Variants in GSK3B observed in about 807,000 individuals in gnomAD.
GSK3B encodes glycogen synthase kinase 3 beta, also known as glycogen synthase kinase-3 beta.
A neutral mutation model predicts 56.4 loss-of-function variants in GSK3B; 15 were observed. That is an observed-to-expected ratio of 0.27 (90% CI 0.18 to 0.41). The LOEUF is 0.41. Among genes scored for constraint, GSK3B ranks in the 10% least tolerant of loss-of-function variants. The probability of loss-of-function intolerance (pLI) is 1.00; values close to 1 mark genes in which losing one functional copy is unlikely to be tolerated. For missense variants in GSK3B, 300 were observed against 513.4 expected, an observed-to-expected ratio of 0.58 and a Z score of 4.02; for synonymous variants, 181 against 188.9, an observed-to-expected ratio of 0.96 and a Z score of 0.34.
At chr3:119,943,039 T>C in intron 3 of GSK3B, among the ~76,000 whole-genome samples, 1 of 152,240 alleles carries the variant, frequency 6.6e-6, no homozygotes, top group East Asian at 1.9e-4. Context: ...ATCTCTGTCC[T>C]AACTTAATTC....
At chr3:120,046,239 T>C (rs961514968) in intron 1 of GSK3B, among the ~76,000 whole-genome samples, 3 of 152,192 alleles carry the variant, frequency 2.0e-5, no homozygotes, top group East Asian at 1.9e-4. Context: ...CAATAAAAAG[T>C]GTGGGCCCTA....
At chr3:120,061,561 C>T (rs1373067214) in intron 1 of GSK3B, among the ~76,000 whole-genome samples, 1 of 152,118 alleles carries the variant, frequency 6.6e-6, no homozygotes, top group Non-Finnish European at 1.5e-5. Flanking sequence ...AAAAGAAACA[C>T]TGTTTAGACA....
intron 3 of GSK3B, among the ~76,000 whole-genome samples, chr3:119,932,076 G>A (rs1358468004): frequency 6.6e-6 from 1 of 152,130 alleles, no homozygotes; most frequent in East Asian, 1.9e-4. Context: ...TTAGTATGAT[G>A]TGTTATCTCC....
At chr3:119,995,426 G>A (rs1221292369) in intron 2 of GSK3B, among the ~76,000 whole-genome samples, 1 of 151,994 alleles carries the variant, frequency 6.6e-6, no homozygotes, top group Non-Finnish European at 1.5e-5. Context: ...AAGGTTTAAG[G>A]AAGTTCTTTA....
intron 10 of GSK3B, among the ~76,000 whole-genome samples, chr3:119,831,728 ATT>A (rs575944831): frequency 2.0e-5 from 3 of 152,202 alleles, no homozygotes; most frequent in African/African-American, 7.2e-5. Flanking sequence ...CAGTTACTTT[ATT>A]TTCAGTATGG....
intron 3 of GSK3B, among the ~76,000 whole-genome samples, chr3:119,944,560 C>T (rs889530170): frequency 2.0e-5 from 3 of 152,108 alleles, no homozygotes; most frequent in Non-Finnish European, 2.9e-5. Context: ...ATTGCCAAAC[C>T]GCTGATTTTT....
At chr3:119,959,453 C>T (rs2057248225) in intron 2 of GSK3B, among the ~76,000 whole-genome samples, 1 of 151,832 alleles carries the variant, frequency 6.6e-6, no homozygotes, top group African/African-American at 2.4e-5. Flanking sequence ...AATTCCACTC[C>T]TCTAGTTGCC....
At chr3:120,028,586 G>T (rs143278802) in intron 1 of GSK3B, among the ~76,000 whole-genome samples, 123 of 152,306 alleles carry the variant, frequency 8.1e-4, no homozygotes, top group African/African-American at 2.7e-3. Flanking sequence ...TACCTCTTCT[G>T]TGATCAGCAA....
intron 6 of GSK3B, among the ~76,000 whole-genome samples, chr3:119,910,755 C>G (rs143535664): frequency 1.7e-4 from 26 of 152,284 alleles, no homozygotes; most frequent in Non-Finnish European, 2.9e-5. Flanking sequence ...TCCTCTCAAC[C>G]CCTGCTGCTG....
At chr3:119,893,136 T>C (rs1363867888) in intron 7 of GSK3B, among the ~76,000 whole-genome samples, 2 of 152,040 alleles carry the variant, frequency 1.3e-5, no homozygotes, top group Non-Finnish European at 2.9e-5. Context: ...GCCTCCTGAG[T>C]AGCTGGGATT....
Position 119,947,657 on chromosome 3 carries a change from T to C in GSK3B, c.283-306A>G, listed in dbSNP as rs543323873. On this transcript the variant is annotated intron_variant, in intron 2 of 10. Coordinates refer to ENST00000264235, the MANE Select transcript of GSK3B (RefSeq NM_001146156.2). ...GAATTAGGATCCATATTTTATATTT[T>C]TAAAAATTTCATCTTTCTAGCAATT... Among the ~76,000 whole-genome samples, 7 of 152,236 alleles carry C rather than the reference T, an allele frequency of 4.6e-5. No individual in the cohort carries two copies. In the South Asian group the frequency reaches 1.0e-3, roughly 23 times the overall value.
chr3:119,846,933 A>T (rs879708157), intron 9 of GSK3B, among the ~76,000 whole-genome samples: 1 of 152,252 alleles, frequency 6.6e-6, no homozygotes, highest in Non-Finnish European at 1.5e-5. Flanking sequence ...TGGCCCATAT[A>T]CATCACAGAA....
intron 7 of GSK3B, among the ~76,000 whole-genome samples, chr3:119,885,769 G>A (rs113663025): frequency 0.02 from 3,029 of 151,966 alleles, 91 homozygotes; most frequent in African/African-American, 0.067. Flanking sequence ...TCTGATCTTC[G>A]TCACAGTCGA....
At chr3:119,953,552 G>C (rs1019641148) in intron 2 of GSK3B, among the ~76,000 whole-genome samples, 5 of 152,164 alleles carry the variant, frequency 3.3e-5, no homozygotes, top group Admixed American at 2.0e-4. Context: ...GACAGACAGA[G>C]AGAGAGACCC....
At chr3:120,090,684 C>T (rs1208837476) in intron 1 of GSK3B, among the ~76,000 whole-genome samples, 3 of 152,122 alleles carry the variant, frequency 2.0e-5, no homozygotes, top group African/African-American at 7.2e-5. Context: ...CACAACATAC[C>T]CTACTAGCTC....
chr3:119,981,707 G>A (rs2057464980), intron 2 of GSK3B, among the ~76,000 whole-genome samples: 1 of 152,254 alleles, frequency 6.6e-6, no homozygotes, highest in Admixed American at 6.5e-5. Flanking sequence ...GAACTGGGCA[G>A]AGCCCACCAC....
intron 8 of GSK3B, chr3:119,866,610 G>T (rs1326736846): frequency 6.2e-7 from 1 of 1,604,008 alleles, no homozygotes; most frequent in South Asian, 1.1e-5. Context: ...GAGGTGAAAT[G>T]TCCTGTTCCT....
At chr3:120,002,777 C>T (rs1022641811) in intron 1 of GSK3B, among the ~76,000 whole-genome samples, 2 of 152,172 alleles carry the variant, frequency 1.3e-5, no homozygotes, top group Non-Finnish European at 2.9e-5. Context: ...TGCTTAGTTT[C>T]AACCCCATGA....
At chr3:120,012,053 G>T (rs2057783350) in intron 1 of GSK3B, among the ~76,000 whole-genome samples, 1 of 152,136 alleles carries the variant, frequency 6.6e-6, no homozygotes, top group Non-Finnish European at 1.5e-5. Flanking sequence ...GGAAGTAAGA[G>T]AATAAATCAA....
Sources: gnomAD v4.1 joint callset for allele counts (sites outside exome capture counted in the v4.1 genomes callset) on GRCh38, gnomAD v4.1.1 for gene constraint, MANE v1.5 for transcripts, NCBI Gene and HGNC (gene_info 2026-07-23, HGNC 2026-07-21) for gene names.